The following MGMT variants were observed in gnomAD, a reference collection of about 807,000 sequenced individuals.
MGMT encodes the protein methylated-DNA--protein-cysteine methyltransferase.
In MGMT, 14 loss-of-function variants were observed where a neutral mutation model predicts 15.9. The observed-to-expected ratio is 0.88, with a 90% CI of 0.58 to 1.37. MGMT has a LOEUF of 1.37. Among genes scored for constraint, MGMT ranks in the 40% most tolerant of loss-of-function variants. The pLI, the probability that MGMT is intolerant of heterozygous loss-of-function variation, is 0.00. For missense variants in MGMT, 282 were observed against 268.1 expected, an observed-to-expected ratio of 1.05 and a Z score of -0.36; for synonymous variants, 130 against 118.2, an observed-to-expected ratio of 1.10 and a Z score of -0.65.
chr10:129,762,069 G>T (rs1028814874), intron 4 of MGMT, among the ~76,000 whole-genome samples: 2 of 152,214 alleles, frequency 1.3e-5, no homozygotes, highest in African/African-American at 4.8e-5. Flanking sequence ...GAGGAAGGGC[G>T]CTGGCCAGCA....
At chr10:129,619,834 A>G (rs753807179) in intron 2 of MGMT, among the ~76,000 whole-genome samples, 1 of 151,994 alleles carries the variant, frequency 6.6e-6, no homozygotes, top group Non-Finnish European at 1.5e-5. Flanking sequence ...CCTTTTTTCC[A>G]TTCCTGGAAT....
At position 129,687,746 on chromosome 10, in the gene MGMT, G is replaced by A. The variant is rs968959776; in HGVS notation, c.126-20149G>A. 2.7e-5 allele frequency among the ~76,000 whole-genome samples: 4 copies of A among 149,336 alleles called. No homozygotes were observed. In the Admixed American group the frequency reaches 2.7e-4, roughly 10 times the overall value. ...AAGTTCTAGGGTACATGTGCACAAC[G>A]TGCAGGTTTGTTACGTATGTATACA... On this transcript the variant is annotated intron_variant, in intron 2 of 4. Coordinates refer to ENST00000651593, the MANE Select transcript of MGMT (RefSeq NM_002412.5).
At chr10:129,663,141 G>C (rs568514499) in intron 2 of MGMT, among the ~76,000 whole-genome samples, 9 of 152,236 alleles carry the variant, frequency 5.9e-5, no homozygotes, top group Admixed American at 4.6e-4. Flanking sequence ...TCAAAAATTA[G>C]GTTATGAAGA....
At chr10:129,581,724 A>G (rs1846557683) in intron 2 of MGMT, among the ~76,000 whole-genome samples, 2 of 152,206 alleles carry the variant, frequency 1.3e-5, no homozygotes, top group South Asian at 4.1e-4. Context: ...GGCTTTGGCT[A>G]CCTGCAGATA....
At chr10:129,470,417 T>C (rs576451545) in intron 1 of MGMT, among the ~76,000 whole-genome samples, 7 of 152,326 alleles carry the variant, frequency 4.6e-5, no homozygotes, top group African/African-American at 1.7e-4. Flanking sequence ...ACAGCTTATA[T>C]CGGAGGGCTG....
intron 4 of MGMT, among the ~76,000 whole-genome samples, chr10:129,761,973 G>A (rs1442741364): frequency 6.6e-6 from 1 of 152,234 alleles, no homozygotes; most frequent in Non-Finnish European, 1.5e-5. Flanking sequence ...GTTTACTATG[G>A]TTCAGGTTGA....
At chr10:129,565,744 C>T (rs1394650948) in intron 2 of MGMT, among the ~76,000 whole-genome samples, 2 of 152,106 alleles carry the variant, frequency 1.3e-5, no homozygotes, top group Non-Finnish European at 2.9e-5. Context: ...ACCCTGGCGC[C>T]CCGTCTCCCC....
intron 2 of MGMT, 125 bp downstream of exon 2, chr10:129,536,502 C>T: frequency 8.2e-7 from 1 of 1,212,548 alleles, no homozygotes; most frequent in Non-Finnish European, 1.1e-6. Flanking sequence ...CAACCGCAAC[C>T]ACGAGTCCGT....
intron 2 of MGMT, among the ~76,000 whole-genome samples, chr10:129,622,909 C>G (rs1227816281): frequency 6.6e-6 from 1 of 152,156 alleles, no homozygotes; most frequent in East Asian, 1.9e-4. Flanking sequence ...ATGCATGGAG[C>G]CCCGTTTCGT....
intron 2 of MGMT, among the ~76,000 whole-genome samples, chr10:129,572,455 TC>T (rs1846430963): frequency 6.6e-6 from 1 of 152,212 alleles, no homozygotes; most frequent in African/African-American, 2.4e-5. Context: ...GCCAGGGTCT[TC>T]CTGCTCTACT....
At chr10:129,666,907 CA>C (rs1847665596) in intron 2 of MGMT, among the ~76,000 whole-genome samples, 1 of 152,154 alleles carries the variant, frequency 6.6e-6, no homozygotes, top group Admixed American at 6.5e-5. Flanking sequence ...TTGGTTCCCA[CA>C]CCTGAAAAGC....
intron 2 of MGMT, among the ~76,000 whole-genome samples, chr10:129,649,951 T>C (rs1847437745): frequency 6.6e-6 from 1 of 152,254 alleles, no homozygotes; most frequent in South Asian, 2.1e-4. Flanking sequence ...TTCTTTGCAT[T>C]AATCTTTTTC....
intron 2 of MGMT, 109 bp from the exon 3 acceptor site, chr10:129,707,786 A>T (rs1307473646): frequency 1.4e-6 from 2 of 1,449,668 alleles, no homozygotes; most frequent in Non-Finnish European, 1.9e-6. Flanking sequence ...GTGTGTGCCC[A>T]TGAAGCAGCC....
chr10:129,687,468 G>T (rs989147734), intron 2 of MGMT, among the ~76,000 whole-genome samples: 1 of 152,182 alleles, frequency 6.6e-6, no homozygotes, highest in Non-Finnish European at 1.5e-5. Flanking sequence ...ACCCAGAAGA[G>T]GGTTGCTGTT....
rs74160255 is a variant in MGMT at position 129,652,500 on chromosome 10, A to C, written c.126-55395A>C. On this transcript the variant is annotated intron_variant, in intron 2 of 4. Coordinates refer to ENST00000651593, the MANE Select transcript of MGMT (RefSeq NM_002412.5). ...TCTAGTATGTGCGTGCGCCCATGCGAAGGCTTTCAAAGGCCTGAGAGCAGA... is the reference window on the plus strand; with the variant it reads ...TCTAGTATGTGCGTGCGCCCATGCGCAGGCTTTCAAAGGCCTGAGAGCAGA... 6.5e-3 allele frequency among the ~76,000 whole-genome samples: 995 copies of C among 152,312 alleles called. 17 individuals carry two copies. Among genetic ancestry groups the C allele is most frequent in the African/African-American group, 0.023 (966 of 41,578 alleles).
chr10:129,647,847 C>T (rs1168086354), intron 2 of MGMT, among the ~76,000 whole-genome samples: 5 of 152,212 alleles, frequency 3.3e-5, no homozygotes. Context: ...TTTCCCTCTG[C>T]AGTGTTTTAC....
intron 2 of MGMT, among the ~76,000 whole-genome samples, chr10:129,605,731 T>A (rs868225099): frequency 2.0e-5 from 3 of 152,238 alleles, no homozygotes; most frequent in Non-Finnish European, 4.4e-5. Context: ...TTTACGATAA[T>A]TCTCAAACAC....
At chr10:129,710,314 G>A (rs560453250) in intron 3 of MGMT, among the ~76,000 whole-genome samples, 31 of 152,354 alleles carry the variant, frequency 2.0e-4, no homozygotes, top group Non-Finnish European at 3.5e-4. Context: ...GCCAAGTTTT[G>A]GGATGGTAGT....
At chr10:129,649,773 G>C (rs372421612) in intron 2 of MGMT, among the ~76,000 whole-genome samples, 1 of 152,116 alleles carries the variant, frequency 6.6e-6, no homozygotes, top group South Asian at 2.1e-4. Context: ...TAATAATAGA[G>C]GTGCCAATAC....
Sources: allele counts gnomAD v4.1 joint callset (sites outside exome capture counted in the v4.1 genomes callset), GRCh38; gene constraint gnomAD v4.1.1; transcripts MANE v1.5; gene names NCBI Gene and HGNC (gene_info 2026-07-23, HGNC 2026-07-21).